MS4A2: variants seen among roughly 807,000 people sequenced by gnomAD.
MS4A2 encodes high affinity immunoglobulin epsilon receptor subunit beta.
A neutral mutation model predicts 27.9 loss-of-function variants in MS4A2; 26 were observed. That is an observed-to-expected ratio of 0.93 (90% CI 0.68 to 1.29). The LOEUF (loss-of-function observed/expected upper bound fraction) is 1.29. Among genes scored for constraint, MS4A2 ranks in the 50% most tolerant of loss-of-function variants. The pLI is 0.00. For missense variants in MS4A2, 284 were observed against 284.6 expected, an observed-to-expected ratio of 1.00 and a Z score of 0.01; for synonymous variants, 110 against 98.8, an observed-to-expected ratio of 1.11 and a Z score of -0.67.
intron 4 of MS4A2, among the ~76,000 whole-genome samples, chr11:60,093,080 C>T (rs970907097): frequency 9.2e-5 from 14 of 152,114 alleles, no homozygotes; most frequent in African/African-American, 2.2e-4. Context: ...TTTACCTTGA[C>T]GTTTCTTCTA....
Position 60,090,438 on chromosome 11 carries a change from A to G in MS4A2, c.289A>G (p.Lys97Glu), listed in dbSNP as rs771518213. 1.2e-6 allele frequency: 2 copies of G among 1,613,366 alleles called. No individual in the cohort carries two copies. Among genetic ancestry groups the G allele is most frequent in the East Asian group, 4.5e-5 (2 of 44,828 alleles). ...HIEGDIFSSF[K>E]AGYPFWGAIF... ...TGAGGGAGACATTTTTTCATCATTT[A>G]AAGCAGGTTATCCATTCTGGGGAGC... The change falls in exon 3 of 7, where the codon AAA (lysine) becomes GAA (glutamate). Residue 97 changes from lysine (K) to glutamate (E), a missense_variant. By Grantham distance (56) the Lys-to-Glu change is moderately conservative. Transcript: ENST00000278888.
intron 3 of MS4A2, among the ~76,000 whole-genome samples, chr11:60,092,390 G>T (rs1369871390): frequency 6.6e-6 from 1 of 151,586 alleles, no homozygotes; most frequent in African/African-American, 2.4e-5. Flanking sequence ...CTGCCTCCCG[G>T]GTTCAAGTGA....
At chr11:60,090,506 C>A (rs369132107) in intron 3 of MS4A2, 36 bp downstream of exon 3, 1 of 1,601,024 alleles carries the variant, frequency 6.2e-7, no homozygotes, top group Admixed American at 1.7e-5. Context: ...TGAAATAACA[C>A]TGAACATAGG....
Position 60,088,755 on chromosome 11 carries a change from T to C in MS4A2, c.-11T>C. 6.2e-7 allele frequency: 1 copy of C among 1,610,448 alleles called. No individual in the cohort carries two copies. Among genetic ancestry groups the C allele is most frequent in the Non-Finnish European group, 8.5e-7 (1 of 1,177,826 alleles). On this transcript the variant is annotated 5_prime_UTR_variant, in exon 1 of 7. Coordinates refer to ENST00000278888, the MANE Select transcript of MS4A2 (RefSeq NM_000139.5). ...TATTCTTTATTCCTGGACAGCTCGGTTAATGAAAAAATGGACACAGAAAGT... is the reference window on the plus strand; with the variant it reads ...TATTCTTTATTCCTGGACAGCTCGGCTAATGAAAAAATGGACACAGAAAGT...
rs572955709 is a variant in MS4A2, at chr11:60,096,463, T to C, written c.*807T>C. 6.6e-6 allele frequency: 1 copy of C among 152,074 alleles called. No individual in the cohort carries two copies. Among genetic ancestry groups the C allele is most frequent in the Non-Finnish European group, 1.5e-5 (1 of 68,008 alleles). 9.4% of individuals were successfully genotyped at this position (152,074 alleles called of 1,614,324 possible). On this transcript the variant is annotated 3_prime_UTR_variant, in exon 7 of 7. Transcript: ENST00000278888. ...GGAAATAATGGTTATATCTAAAACATGTAGAAAAAGAGTAACTGGTAGATT... is the reference window on the plus strand; with the variant it reads ...GGAAATAATGGTTATATCTAAAACACGTAGAAAAAGAGTAACTGGTAGATT...
At chr11:60,090,736 G>T (rs1000875220) in intron 3 of MS4A2, among the ~76,000 whole-genome samples, 2 of 152,054 alleles carry the variant, frequency 1.3e-5, no homozygotes, top group Admixed American at 6.6e-5. Context: ...CTTGCCTAAG[G>T]GCCACTTGAC....
intron 4 of MS4A2, 28 bp downstream of exon 4, chr11:60,092,876 A>G: frequency 6.2e-7 from 1 of 1,602,920 alleles, no homozygotes; most frequent in Non-Finnish European, 8.5e-7. Flanking sequence ...GTCTTTGTCC[A>G]TCCTTGAAAA....
intron 6 of MS4A2, among the ~76,000 whole-genome samples, chr11:60,095,220 G>A (rs1484833966): frequency 2.0e-5 from 3 of 152,070 alleles, no homozygotes; most frequent in African/African-American, 7.2e-5. Context: ...CAAGATCGTG[G>A]CCACTGCACT....
chr11:60,098,440 T>A lies in MS4A2; in HGVS notation c.*2784T>A, dbSNP rs1392852788. On this transcript the variant is annotated 3_prime_UTR_variant, in exon 7 of 7. Transcript: ENST00000278888. The stretch of plus-strand genomic sequence containing the variant: ...ATGTATTCTCAATTACCTGTATTTG[T>A]GCAATAAATTGGAATAATGTAACTT... 2 of 152,338 alleles carry A rather than the reference T, an allele frequency of 1.3e-5. No individual in the cohort carries two copies. Among genetic ancestry groups the A allele is most frequent in the East Asian group, 3.9e-4 (2 of 5,190 alleles). The allele number at this position is 152,338 out of a possible 1,614,324, so 9.4% of individuals were successfully genotyped here. A position where few individuals can be genotyped will look rare whatever the true frequency, so the allele number is the denominator to read the frequency against.
Position 60,088,814 on chromosome 11 carries a change from C to A in MS4A2, c.49C>A (p.Pro17Thr), listed in dbSNP as rs146863888. ...RRANLALPQE[P>T]SSVPAFEVLE... ...AGCAAATCTTGCTCTCCCACAGGAG[C>A]CTTCCAGGTAGGTACAAGGTATTAT... Residue 17 changes from proline to threonine, a missense_variant, in exon 1 of 7, where the codon CCT becomes ACT. Physicochemically the swap from Pro to Thr is conservative, Grantham distance 38 (BLOSUM62 -1). Coordinates refer to ENST00000278888, the MANE Select transcript of MS4A2 (RefSeq NM_000139.5). 6.2e-7 allele frequency: 1 copy of A among 1,610,862 alleles called. No homozygotes were observed. The highest frequency in any genetic ancestry group is 8.5e-7 in the Non-Finnish European group (1 of 1,178,128).
In MS4A2 at chr11:60,088,833, G is replaced by A. The variant is rs1201051870; in HGVS notation, c.56+12G>A. ...CAGGAGCCTTCCAGGTAGGTACAAG[G>A]TATTATTTTTTTCTACCCTCAGTCA... On this transcript the variant is annotated intron_variant, in intron 1 of 6. Transcript: ENST00000278888. 7 of 1,606,210 alleles carry A rather than the reference G, an allele frequency of 4.4e-6. No homozygotes were observed. Among genetic ancestry groups the A allele is most frequent in the Non-Finnish European group, 1.7e-6 (2 of 1,175,258 alleles).
chr11:60,089,828 G>T lies in MS4A2; in HGVS notation c.186+7G>T. 1 of 1,613,944 alleles carries T rather than the reference G, an allele frequency of 6.2e-7. No homozygotes were observed. Among genetic ancestry groups the T allele is most frequent in the South Asian group, 1.1e-5 (1 of 91,064 alleles). On this transcript the variant is annotated splice_region_variant and intron_variant, in intron 2 of 6. Transcript: ENST00000278888. ...AGAGCAGGAGTTCCTGGGGGTGAGT[G>T]AGCCTCCTCCAACTTTGACTAGAGT... is the stretch of plus-strand genomic sequence containing the variant.
chr11:60,092,140 G>T (rs974829492), intron 3 of MS4A2, among the ~76,000 whole-genome samples: 1 of 152,108 alleles, frequency 6.6e-6, no homozygotes, highest in African/African-American at 2.4e-5. Flanking sequence ...TTCATGCCCT[G>T]ATGTTGCTGG....
upstream of MS4A2, chr11:60,088,315 C>G (rs921827988): frequency 5.3e-6 from 1 of 189,650 alleles, no homozygotes; most frequent in Non-Finnish European, 1.1e-5. Context: ...GGAAGACAAG[C>G]TTTTCAAAGG....
intron 3 of MS4A2, among the ~76,000 whole-genome samples, chr11:60,092,296 C>A (rs1321321766): frequency 7.1e-6 from 1 of 139,918 alleles, no homozygotes; most frequent in Non-Finnish European, 1.6e-5. Context: ...TTCATATACA[C>A]TTTTTTTTTT....
At chr11:60,093,909 T>C in intron 5 of MS4A2, 55 bp from the exon 6 acceptor site, 1 of 1,408,220 alleles carries the variant, frequency 7.1e-7, no homozygotes, top group South Asian at 1.2e-5. Flanking sequence ...AAAATAAACT[T>C]TTGGGGCGAA....
chr11:60,088,851 C>T (rs1256344320), intron 1 of MS4A2, 30 bp downstream of exon 1: 3 of 1,595,358 alleles, frequency 1.9e-6, no homozygotes, highest in Admixed American at 1.7e-5. Flanking sequence ...TTTTTCTACC[C>T]TCAGTCACTT....
At chr11:60,093,671 G>A in intron 5 of MS4A2, 113 bp downstream of exon 5, 1 of 1,409,616 alleles carries the variant, frequency 7.1e-7, no homozygotes, top group East Asian at 2.3e-5. Context: ...CTATTACACA[G>A]TATAGTGGTT....
intron 3 of MS4A2, among the ~76,000 whole-genome samples, chr11:60,090,761 C>A (rs1218742562): frequency 3.3e-5 from 5 of 152,140 alleles, no homozygotes; most frequent in African/African-American, 9.7e-5. Flanking sequence ...AGTAATTGAA[C>A]CTAAACTTTC....
Sources: allele counts gnomAD v4.1 joint callset (sites outside exome capture counted in the v4.1 genomes callset), GRCh38; gene constraint gnomAD v4.1.1; transcripts MANE v1.5; gene names NCBI Gene and HGNC (gene_info 2026-07-23, HGNC 2026-07-21).